The following CALN1 variants were observed in gnomAD, a reference collection of about 807,000 sequenced individuals.
CALN1 encodes calneuron 1.
CALN1 carries 17 observed loss-of-function variants against 30.6 expected under a neutral mutation model. The observed-to-expected ratio is 0.56, with a 90% CI of 0.38 to 0.83. CALN1 has a LOEUF of 0.83. CALN1 is among the 40% of genes least tolerant of loss of function. CALN1 has a pLI of 0.00. For missense variants in CALN1, 291 were observed against 354.9 expected, an observed-to-expected ratio of 0.82 and a Z score of 1.45; for synonymous variants, 156 against 131.4, an observed-to-expected ratio of 1.19 and a Z score of -1.28.
intron 1 of CALN1, among the ~76,000 whole-genome samples, chr7:72,421,481 T>C (rs1486176342): frequency 1.3e-5 from 2 of 152,006 alleles, no homozygotes; most frequent in Admixed American, 6.6e-5. Context: ...CTTGGCTTTA[T>C]CTTTTACATG....
At chr7:71,807,865 G>C (rs1242799694) in intron 6 of CALN1, among the ~76,000 whole-genome samples, 4 of 152,168 alleles carry the variant, frequency 2.6e-5, no homozygotes, top group Non-Finnish European at 5.9e-5. Context: ...TACGAGGTCA[G>C]GAGATTGAGA....
intron 4 of CALN1, among the ~76,000 whole-genome samples, chr7:72,073,205 G>A (rs1267689214): frequency 2.0e-5 from 3 of 152,196 alleles, no homozygotes; most frequent in Non-Finnish European, 4.4e-5. Context: ...GTAGTCAAAT[G>A]CATAGAGACA....
intron 2 of CALN1, among the ~76,000 whole-genome samples, chr7:72,374,915 G>A (rs1236914193): frequency 6.6e-6 from 1 of 152,068 alleles, no homozygotes; most frequent in African/African-American, 2.4e-5. Context: ...TGTAAACACT[G>A]TGATTTTTAT....
intron 5 of CALN1, among the ~76,000 whole-genome samples, chr7:71,878,175 G>C (rs1190723263): frequency 4.6e-5 from 7 of 152,178 alleles, no homozygotes; most frequent in Non-Finnish European, 1.0e-4. Context: ...TATAAGTTAA[G>C]TATTTAAGAA....
chr7:72,182,821 C>T (rs754746489), intron 3 of CALN1, among the ~76,000 whole-genome samples: 1 of 151,132 alleles, frequency 6.6e-6, no homozygotes, highest in African/African-American at 2.4e-5. Context: ...GGAACACTAG[C>T]TTCTGTAAAG....
intron 5 of CALN1, among the ~76,000 whole-genome samples, chr7:71,976,327 C>A (rs1439493537): frequency 1.3e-5 from 2 of 152,140 alleles, no homozygotes; most frequent in Non-Finnish European, 2.9e-5. Flanking sequence ...CTGGACGTGA[C>A]CTTCCAGGGA....
chr7:71,993,975 T>C lies in CALN1; in HGVS notation c.501+29682A>G, dbSNP rs190137277. ...TTATACGACTGAAATTTAAATGTTG[T>C]GACCCCAAACTCTATATTCAGTCCT... On this transcript the variant is annotated intron_variant, in intron 5 of 6. Transcript: ENST00000395275. Among the ~76,000 whole-genome samples the C allele has an allele frequency of 4.2e-3, 646 of 152,320 alleles. 3 individuals carry two copies. Among genetic ancestry groups the C allele is most frequent in the Non-Finnish European group, 7.4e-3 (502 of 68,028 alleles).
At chr7:72,410,085 T>C (rs559675909) in intron 1 of CALN1, among the ~76,000 whole-genome samples, 2 of 152,160 alleles carry the variant, frequency 1.3e-5, no homozygotes, top group South Asian at 2.1e-4. Flanking sequence ...GTGCGGGTCA[T>C]GCCATATGGT....
intron 3 of CALN1, among the ~76,000 whole-genome samples, chr7:72,204,893 G>A (rs190611397): frequency 8.5e-5 from 13 of 152,156 alleles, no homozygotes; most frequent in Middle Eastern, 3.4e-3. Flanking sequence ...GGCAATTCAC[G>A]TTTTTAAACT....
Position 71,992,003 on chromosome 7 carries a change from T to A in CALN1, c.501+31654A>T, listed in dbSNP as rs192074200. Among the ~76,000 whole-genome samples the A allele has an allele frequency of 1.4e-3, 212 of 152,378 alleles. 1 individual carries two copies. Among genetic ancestry groups the A allele is most frequent in the South Asian group, 4.1e-3 (20 of 4,826 alleles). Reference sequence around the variant, plus strand: ...TAGGCAGCTATAACCTTTGTTTGTATGATTATAGATTATTCTTCTTCCTTA... The same window carrying A: ...TAGGCAGCTATAACCTTTGTTTGTAAGATTATAGATTATTCTTCTTCCTTA... On this transcript the variant is annotated intron_variant, in intron 5 of 6. Coordinates refer to ENST00000395275, the MANE Select transcript of CALN1 (RefSeq NM_031468.4).
At position 72,241,256 on chromosome 7, in the gene CALN1, T is replaced by G. The variant is rs559361948; in HGVS notation, c.244+37430A>C. ...TTGGTCACTAAACTTACACCAGCCA[T>G]GGACTAGGGGAAGGGAGAGTCGTTT... On this transcript the variant is annotated intron_variant, in intron 3 of 6. Transcript: ENST00000395275. 2.0e-4 allele frequency among the ~76,000 whole-genome samples: 30 copies of G among 152,350 alleles called. No homozygotes were observed. The South Asian group carries it at 6.2e-3, about 32-fold the overall frequency.
At chr7:72,393,739 G>T (rs1442071088) in intron 2 of CALN1, among the ~76,000 whole-genome samples, 2 of 132,088 alleles carry the variant, frequency 1.5e-5, no homozygotes, top group Non-Finnish European at 3.1e-5. Flanking sequence ...ATTGACCATA[G>T]AGCTTTTTTT....
chr7:71,847,812 A>AGAAGG (rs1348485415), intron 5 of CALN1, among the ~76,000 whole-genome samples: 222 of 56,622 alleles, frequency 3.9e-3, no homozygotes, highest in Non-Finnish European at 5.9e-3. Flanking sequence ...GAAAAGAAGG[A>AGAAGG]GAAGGAGAAG....
intron 4 of CALN1, among the ~76,000 whole-genome samples, chr7:72,092,622 T>C (rs1805945385): frequency 1.4e-5 from 1 of 71,944 alleles, no homozygotes; most frequent in African/African-American, 5.1e-5. Flanking sequence ...TATTGTATTC[T>C]AGTAAAAAAA....
intron 3 of CALN1, among the ~76,000 whole-genome samples, chr7:72,164,349 CAA>C (rs71531792): frequency 0.039 from 4,560 of 117,448 alleles, 233 homozygotes; most frequent in African/African-American, 0.13. Flanking sequence ...AACACTCCGT[CAA>C]AAAAAAAAAA....
intron 2 of CALN1, among the ~76,000 whole-genome samples, chr7:72,394,085 G>A (rs867581311): frequency 2.0e-5 from 3 of 152,188 alleles, no homozygotes; most frequent in Non-Finnish European, 4.4e-5. Flanking sequence ...TCTTAGCTAA[G>A]ATCATTGGTA....
At chr7:72,176,111 TC>T (rs1789333625) in intron 3 of CALN1, among the ~76,000 whole-genome samples, 1 of 152,270 alleles carries the variant, frequency 6.6e-6, no homozygotes, top group South Asian at 2.1e-4. Context: ...CCTTAAAAAC[TC>T]TTAATCTGTA....
chr7:72,340,749 G>A (rs1049697739), intron 2 of CALN1, among the ~76,000 whole-genome samples: 11 of 152,310 alleles, frequency 7.2e-5, no homozygotes, highest in African/African-American at 2.6e-4. Flanking sequence ...ATTCCCACAT[G>A]TTGTGGGAGG....
chr7:72,359,399 T>C (rs1803425143), intron 2 of CALN1, among the ~76,000 whole-genome samples: 1 of 152,214 alleles, frequency 6.6e-6, no homozygotes, highest in South Asian at 2.1e-4. Flanking sequence ...CTTGCGTTTC[T>C]TTCCAGAGAT....
Sources: allele counts gnomAD v4.1 joint callset (sites outside exome capture counted in the v4.1 genomes callset), GRCh38; gene constraint gnomAD v4.1.1; transcripts MANE v1.5; gene names NCBI Gene and HGNC (gene_info 2026-07-23, HGNC 2026-07-21).